Variants in HSPG2 observed in about 807,000 individuals in gnomAD.
HSPG2 encodes the protein heparan sulfate proteoglycan 2, also known as basement membrane-specific heparan sulfate proteoglycan core protein.
Under a neutral mutation model 526.6 loss-of-function variants are expected in HSPG2, and 278 were observed. The observed-to-expected ratio is 0.53, with a 90% CI of 0.48 to 0.58. HSPG2 has a LOEUF of 0.58. Among genes scored for constraint, HSPG2 ranks in the 20% least tolerant of loss-of-function variants. The pLI is 0.00. For missense variants in HSPG2, 5,354 were observed against 6,099.5 expected, an observed-to-expected ratio of 0.88 and a Z score of 4.07; for synonymous variants, 2,465 against 2,555.4, an observed-to-expected ratio of 0.96 and a Z score of 1.07.
At chr1:21,873,685 G>T (rs1007046121) in intron 29 of HSPG2, among the ~76,000 whole-genome samples, 2 of 152,224 alleles carry the variant, frequency 1.3e-5, no homozygotes, top group African/African-American at 4.8e-5. Context: ...GCCTGGCTGG[G>T]GCAGGGGGCC....
rs142119424 is a variant in HSPG2, at chr1:21,833,338, C to T, written c.11025G>A (p.Pro3675=). The change falls in exon 80 of 97, where the codon CCG becomes CCA. Residue 3675 remains proline, a synonymous_variant. Transcript: ENST00000374695. Reference sequence around the variant, plus strand: ...TGTAGGCATCCTTGATGGTGGGCAGCGGTAGGAAGGAGTAGGGGGTCTGCG... The same window carrying T: ...TGTAGGCATCCTTGATGGTGGGCAGTGGTAGGAAGGAGTAGGGGGTCTGCG... ...YFTQTPYSFL[P]LPTIKDAYRK... 7.5e-5 allele frequency: 121 copies of T among 1,614,016 alleles called. No homozygotes were observed. Among genetic ancestry groups the T allele is most frequent in the African/African-American group, 3.3e-4 (25 of 74,984 alleles).
chr1:21,865,203 C>T lies in HSPG2; in HGVS notation c.4395+82G>A, dbSNP rs1326669377. The stretch of plus-strand genomic sequence containing the variant: ...CAGGTGAAGGTTGGGGAGCGAGAGA[C>T]AGGGTGGGTATCAAAGCCAGGCTCT... On this transcript the variant is annotated intron_variant, in intron 35 of 96. Coordinates refer to ENST00000374695, the MANE Select transcript of HSPG2 (RefSeq NM_005529.7). The surrounding 1 kb of genome is among the most constrained non-coding windows in gnomAD (Gnocchi z 5.4). 3.3e-6 allele frequency: 5 copies of T among 1,528,132 alleles called. No individual in the cohort carries two copies. Among genetic ancestry groups the T allele is most frequent in the Non-Finnish European group, 4.5e-6 (5 of 1,102,028 alleles). The allele number at this position is 1,528,132 out of a possible 1,614,324, so 94.7% of individuals were successfully genotyped here. A position where few individuals can be genotyped will look rare whatever the true frequency, so the allele number is the denominator to read the frequency against.
chr1:21,836,161 C>T (rs1362863204), intron 75 of HSPG2, among the ~76,000 whole-genome samples: 2 of 152,142 alleles, frequency 1.3e-5, no homozygotes, highest in East Asian at 3.9e-4. Context: ...CAAGATTACA[C>T]AGTTATCAAG....
At position 21,854,279 on chromosome 1, in the gene HSPG2, C is replaced by T. The variant is rs144032875; in HGVS notation, c.6353G>A (p.Arg2118His). ...SPADSGEYVC[R>H]VENGSGPKEA... Reference sequence around the variant, plus strand: ...CTTGGGGCCCGATCCATTCTCCACACGGCACACATATTCTCCAGAATCAGC... The same window carrying T: ...CTTGGGGCCCGATCCATTCTCCACATGGCACACATATTCTCCAGAATCAGC... The change falls in exon 50 of 97, where the codon CGT becomes CAT. Residue 2118 changes from arginine to histidine, a missense_variant. Coordinates refer to ENST00000374695, the MANE Select transcript of HSPG2 (RefSeq NM_005529.7). 8.0e-5 allele frequency: 126 copies of T among 1,578,128 alleles called. No individual in the cohort carries two copies. Among genetic ancestry groups the T allele is most frequent in the Admixed American group, 1.5e-4 (8 of 54,354 alleles).
intron 1 of HSPG2, among the ~76,000 whole-genome samples, chr1:21,934,950 A>C (rs906268117): frequency 6.8e-6 from 1 of 147,612 alleles, no homozygotes; most frequent in African/African-American, 2.5e-5. Context: ...TCTGTCACCC[A>C]GGCTGGAGTG....
At chr1:21,849,220 C>A (rs1638696550) in intron 57 of HSPG2, among the ~76,000 whole-genome samples, 189 bp from the exon 58 acceptor site, 1 of 152,258 alleles carries the variant, frequency 6.6e-6, no homozygotes, top group African/African-American at 2.4e-5. Flanking sequence ...AGCGTCCCAC[C>A]TCACCCATGC....
Position 21,841,300 on chromosome 1 carries a change from G to C in HSPG2, c.9329-15C>G. 2 of 1,613,178 alleles carry C rather than the reference G, an allele frequency of 1.2e-6. No homozygotes were observed. Among genetic ancestry groups the C allele is most frequent in the South Asian group, 2.2e-5 (2 of 91,038 alleles). ...TGTAGGGGGCCCTGTGCGGAGGAAT[G>C]ACAACCACTGACACACAGGCAGGGC... On this transcript the variant is annotated splice_polypyrimidine_tract_variant and intron_variant, in intron 70 of 96. Coordinates refer to ENST00000374695, the MANE Select transcript of HSPG2 (RefSeq NM_005529.7).
At chr1:21,826,108 G>T (rs891437568) in intron 91 of HSPG2, among the ~76,000 whole-genome samples, 9 of 151,916 alleles carry the variant, frequency 5.9e-5, no homozygotes, top group African/African-American at 1.7e-4. Context: ...TTGAGACAGG[G>T]TCTCAGTCTG....
intron 50 of HSPG2, 124 bp downstream of exon 50, chr1:21,854,069 G>C: frequency 9.1e-7 from 1 of 1,093,770 alleles, no homozygotes; most frequent in Non-Finnish European, 1.3e-6. Flanking sequence ...TCTCTGAGCA[G>C]GCGCTGAAGG....
intron 37 of HSPG2, 92 bp from the exon 38 acceptor site, chr1:21,862,207 G>T: frequency 7.3e-7 from 1 of 1,379,234 alleles, no homozygotes; most frequent in Non-Finnish European, 1.0e-6. Flanking sequence ...GAAATTCCAA[G>T]TTTGTGAACT....
At position 21,878,289 on chromosome 1, in the gene HSPG2, G is replaced by C. The variant is rs746211988; in HGVS notation, c.2618-36C>G. ...AAACGAGTGTTGGCAGGGCAGGTGG[G>C]AATGGGATATACGTGGTCCGGGCAG... On this transcript the variant is annotated intron_variant, in intron 20 of 96. Coordinates refer to ENST00000374695, the MANE Select transcript of HSPG2 (RefSeq NM_005529.7). The C allele has an allele frequency of 2.5e-6, 4 of 1,608,954 alleles. No individual in the cohort carries two copies. In the African/African-American group the frequency reaches 5.3e-5, roughly 21 times the overall value.
intron 1 of HSPG2, among the ~76,000 whole-genome samples, chr1:21,929,247 A>G (rs1443899005): frequency 6.6e-6 from 1 of 152,124 alleles, no homozygotes; most frequent in African/African-American, 2.4e-5. Context: ...ATGAACACTC[A>G]GCAAGATCCC....
In HSPG2 at chr1:21,852,803, C is replaced by T. The variant is rs1639004535; in HGVS notation, c.6621G>A (p.Gln2207=). The T allele has an allele frequency of 6.2e-7, 1 of 1,607,502 alleles. No homozygotes were observed. Among genetic ancestry groups the T allele is most frequent in the East Asian group, 2.3e-5 (1 of 44,424 alleles). Residue 2207 remains glutamine (Q), a synonymous_variant, in exon 52 of 97, where the codon CAG becomes CAA. Coordinates refer to ENST00000374695, the MANE Select transcript of HSPG2 (RefSeq NM_005529.7). ...ACTCGCCTGAGTCGGCCGGGGTCAC[C>T]TGGTGCAGCCGCAGCAGCGAGCCGT... is the stretch of plus-strand genomic sequence containing the variant. ...QTHGSLLRLH[Q]VTPADSGEYV... is the part of the protein sequence containing the mutation.
chr1:21,834,694 G>A lies in HSPG2; in HGVS notation c.10705C>T (p.Leu3569=), dbSNP rs1228177102. 7 of 1,614,060 alleles carry A rather than the reference G, an allele frequency of 4.3e-6. No homozygotes were observed. The African/African-American group carries it at 9.3e-5, about 22-fold the overall frequency. ...NAAGTTQSHV[L]LLVQALPQIS... ...TGGCCTTCACCTTGCACAAGCAGCA[G>A]GACGTGGGATTGTGTGGTGCCAGCT... is the stretch of plus-strand genomic sequence containing the variant. The change falls in exon 77 of 97, where the codon CTG becomes TTG. Residue 3569 remains leucine (L), a synonymous_variant. Transcript: ENST00000374695.
At position 21,864,810 on chromosome 1, in the gene HSPG2, G is replaced by C; in HGVS notation, c.4626+33C>G. On this transcript the variant is annotated intron_variant, in intron 36 of 96. Transcript: ENST00000374695. The surrounding 1 kb of genome is among the most constrained non-coding windows in gnomAD (Gnocchi z 4.8). ...TTTGCTTGCTGATGCCTCTGTGCCT[G>C]TGCAGAGGTGGTGGAGCTGGCCACA... 6.4e-7 allele frequency: 1 copy of C among 1,560,684 alleles called. No individual in the cohort carries two copies. Among genetic ancestry groups the C allele is most frequent in the Non-Finnish European group, 8.8e-7 (1 of 1,142,502 alleles).
At chr1:21,823,935 G>T in intron 95 of HSPG2, 186 bp downstream of exon 95, 1 of 750,682 alleles carries the variant, frequency 1.3e-6, no homozygotes. Context: ...TGGGGCACTC[G>T]CCTGCCCCCA....
chr1:21,878,985 G>T lies in HSPG2; in HGVS notation c.2471+9C>A. Reference sequence around the variant, plus strand: ...GCCAAACCCCCCCTGACCCGGAGCTGGGGCTGACCTGCGGGAGGCATCGAT... The same window carrying T: ...GCCAAACCCCCCCTGACCCGGAGCTTGGGCTGACCTGCGGGAGGCATCGAT... On this transcript the variant is annotated intron_variant, in intron 18 of 96. Transcript: ENST00000374695. 1 of 1,612,902 alleles carries T rather than the reference G, an allele frequency of 6.2e-7. No homozygotes were observed. Among genetic ancestry groups the T allele is most frequent in the Non-Finnish European group, 8.5e-7 (1 of 1,179,316 alleles).
rs953832844 is a variant in HSPG2, at chr1:21,872,319, C to T, written c.4088G>A (p.Arg1363Gln). ...GAATTCTCCTGTCAGGCGGCTGTTT[C>T]GCTGTGGGTTCACCAGGGCAAAGCC... ...FQGFALVNPQ[R>Q]NSRLTGEFTV... The change falls in exon 33 of 97, where the codon CGA becomes CAA. Residue 1363 changes from arginine (R) to glutamine (Q), a missense_variant. Physicochemically the swap from Arg to Gln is conservative, Grantham distance 43. Transcript: ENST00000374695. The surrounding 1 kb of genome is among the most constrained non-coding windows in gnomAD (Gnocchi z 5.5). 7.0e-6 allele frequency: 11 copies of T among 1,577,156 alleles called. No individual in the cohort carries two copies. The highest frequency in any genetic ancestry group is 7.7e-6 in the Non-Finnish European group (9 of 1,161,314).
At chr1:21,833,240 C>A in intron 80 of HSPG2, 28 bp downstream of exon 80, 1 of 1,589,388 alleles carries the variant, frequency 6.3e-7, no homozygotes, top group Non-Finnish European at 8.6e-7. Context: ...CAGGCCAGCC[C>A]ACCCCGCAAA....
Sources: allele counts gnomAD v4.1 joint callset (sites outside exome capture counted in the v4.1 genomes callset), GRCh38; gene constraint gnomAD v4.1.1; non-coding constraint Gnocchi (gnomAD v3.1); transcripts MANE v1.5; gene names NCBI Gene and HGNC (gene_info 2026-07-23, HGNC 2026-07-21).